The following NUDT7 variants were observed in gnomAD, a reference collection of about 807,000 sequenced individuals.
NUDT7 encodes peroxisomal coenzyme A diphosphatase NUDT7.
NUDT7 carries 19 observed loss-of-function variants against 13.1 expected under a neutral mutation model. The observed-to-expected ratio is 1.45, with a 90% CI of 1.01 to 2.13. The LOEUF is 2.13. NUDT7 is among the 30% of genes most tolerant of loss of function. The probability of loss-of-function intolerance (pLI) is 0.00; values close to 1 mark genes in which losing one functional copy is unlikely to be tolerated. For synonymous variants in NUDT7, 132 were observed against 109.7 expected (o/e 1.20, Z -1.27); for missense variants, 360 against 291.7 (o/e 1.23, Z -1.71).
Position 77,742,190 on chromosome 16 carries a change from T to TTTTC in NUDT7, c.*243_*246dup, listed in dbSNP as rs554934145. 9.4e-7 allele frequency: 1 copy of TTTTC among 1,060,044 alleles called. No homozygotes were observed. The highest frequency in any genetic ancestry group is 1.6e-5 in the African/African-American group (1 of 62,438). The allele number at this position is 1,060,044 out of a possible 1,614,324, so 65.7% of individuals were successfully genotyped here. A position where few individuals can be genotyped will look rare whatever the true frequency, so the allele number is the denominator to read the frequency against. ...TTCACCCACAATATGTTAATAATAT[T>TTTTC]TTTCTTACACATATAATAAAGAATA... On this transcript the variant is annotated 3_prime_UTR_variant, in exon 4 of 4. Coordinates refer to ENST00000268533, the MANE Select transcript of NUDT7 (RefSeq NM_001105663.3).
chr16:77,728,139 A>G (rs1597112164), intron 2 of NUDT7, among the ~76,000 whole-genome samples: 1 of 152,230 alleles, frequency 6.6e-6, no homozygotes, highest in African/African-American at 2.4e-5. Flanking sequence ...GGGCGCTGGT[A>G]GGAGATTTCC....
intron 3 of NUDT7, chr16:77,737,436 C>T (rs571419298): frequency 6.6e-6 from 1 of 152,178 alleles, no homozygotes; most frequent in East Asian, 1.9e-4. Flanking sequence ...GAAGTGCTCT[C>T]ATCACACAGT....
At chr16:77,733,195 T>C (rs541331199) in intron 2 of NUDT7, among the ~76,000 whole-genome samples, 1 of 152,346 alleles carries the variant, frequency 6.6e-6, no homozygotes, top group East Asian at 1.9e-4. Context: ...GGCATTGTCA[T>C]AGTCCTCTCA....
chr16:77,740,984 T>G (rs1227171825), intron 3 of NUDT7, among the ~76,000 whole-genome samples: 1 of 152,252 alleles, frequency 6.6e-6, no homozygotes. Flanking sequence ...GTGTATGTAC[T>G]ATGAAATTTT....
At chr16:77,732,821 A>T (rs1420936698) in intron 2 of NUDT7, among the ~76,000 whole-genome samples, 2 of 149,852 alleles carry the variant, frequency 1.3e-5, no homozygotes, top group Non-Finnish European at 3.0e-5. Context: ...GCATCATATC[A>T]GGTCTGTTTC....
chr16:77,727,576 C>T lies in NUDT7; in HGVS notation c.189+1992C>T, dbSNP rs564364196. ...ATTTTTTAAAATTATCAGATATGGC[C>T]GTGTGCGGTGGCTCACGCCTGTAAT... On this transcript the variant is annotated intron_variant, in intron 2 of 3. Coordinates refer to ENST00000268533, the MANE Select transcript of NUDT7 (RefSeq NM_001105663.3). Among the ~76,000 whole-genome samples the T allele has an allele frequency of 3.9e-5, 6 of 152,312 alleles. No individual in the cohort carries two copies. The East Asian group carries it at 9.7e-4, about 25-fold the overall frequency.
intron 2 of NUDT7, among the ~76,000 whole-genome samples, chr16:77,728,446 A>G (rs1042722572): frequency 6.6e-6 from 1 of 152,170 alleles, no homozygotes; most frequent in African/African-American, 2.4e-5. Flanking sequence ...TTGGTTGGCC[A>G]GGCTGATCTT....
intron 2 of NUDT7, among the ~76,000 whole-genome samples, chr16:77,734,215 G>A (rs1303308137): frequency 1.3e-5 from 2 of 152,140 alleles, no homozygotes; most frequent in East Asian, 3.9e-4. Context: ...TAAAAACACA[G>A]GCTCGTAAAT....
At chr16:77,723,592 CTT>C (rs148451618) in intron 1 of NUDT7, among the ~76,000 whole-genome samples, 2,384 of 125,604 alleles carry the variant, frequency 0.019, 36 homozygotes, top group African/African-American at 0.042. Context: ...TTTGTATACA[CTT>C]TTTTTTTTTT....
chr16:77,737,635 A>T (rs2014531389), intron 3 of NUDT7, among the ~76,000 whole-genome samples: 1 of 151,916 alleles, frequency 6.6e-6, no homozygotes, highest in Non-Finnish European at 1.5e-5. Context: ...ACAGGCGCCC[A>T]TCACCGCGCC....
chr16:77,740,425 C>T (rs1298626609), intron 3 of NUDT7, among the ~76,000 whole-genome samples: 1 of 152,200 alleles, frequency 6.6e-6, no homozygotes, highest in East Asian at 1.9e-4. Context: ...CAAAGGCAGG[C>T]AGCTCTTACC....
chr16:77,738,576 G>A (rs2014562051), intron 3 of NUDT7, among the ~76,000 whole-genome samples: 2 of 152,130 alleles, frequency 1.3e-5, no homozygotes, highest in African/African-American at 4.8e-5. Context: ...GTAATGTCTG[G>A]AGATCATAGC....
chr16:77,726,887 A>G (rs1373191602), intron 2 of NUDT7, among the ~76,000 whole-genome samples: 2 of 152,196 alleles, frequency 1.3e-5, no homozygotes, highest in Non-Finnish European at 2.9e-5. Context: ...TGCAGGCTGT[A>G]CAGGAAGCAT....
At chr16:77,726,247 G>A (rs1289489583) in intron 2 of NUDT7, among the ~76,000 whole-genome samples, 1 of 152,194 alleles carries the variant, frequency 6.6e-6, no homozygotes, top group Non-Finnish European at 1.5e-5. Context: ...CTTGTAAAAT[G>A]AGGACAAAAT....
chr16:77,733,782 G>C (rs1410255755), intron 2 of NUDT7, among the ~76,000 whole-genome samples: 1 of 152,198 alleles, frequency 6.6e-6, no homozygotes, highest in Non-Finnish European at 1.5e-5. Flanking sequence ...GAAAGAGGCA[G>C]ACCCAGGACT....
intron 2 of NUDT7, among the ~76,000 whole-genome samples, chr16:77,726,551 C>T (rs959333506): frequency 6.6e-6 from 1 of 152,116 alleles, no homozygotes; most frequent in Non-Finnish European, 1.5e-5. Flanking sequence ...AATCCCAGCA[C>T]TTTGAGAGGC....
At chr16:77,741,178 G>A (rs1219524489) in intron 3 of NUDT7, among the ~76,000 whole-genome samples, 2 of 152,108 alleles carry the variant, frequency 1.3e-5, no homozygotes, top group Non-Finnish European at 2.9e-5. Context: ...ATAAAGTGAA[G>A]AGTGATAACT....
intron 2 of NUDT7, among the ~76,000 whole-genome samples, chr16:77,731,188 C>G (rs1036316728): frequency 6.6e-6 from 1 of 152,126 alleles, no homozygotes; most frequent in African/African-American, 2.4e-5. Flanking sequence ...GAGCAATGTT[C>G]TCACTAATCC....
chr16:77,732,861 G>A (rs8057493), intron 2 of NUDT7, among the ~76,000 whole-genome samples: 14,643 of 152,168 alleles, frequency 0.096, 806 homozygotes, highest in African/African-American at 0.15. Flanking sequence ...TTGGAGGTGC[G>A]TTTGTCCCTG....
Sources: gnomAD v4.1 joint callset for allele counts (sites outside exome capture counted in the v4.1 genomes callset) on GRCh38, gnomAD v4.1.1 for gene constraint, MANE v1.5 for transcripts, NCBI Gene and HGNC (gene_info 2026-07-23, HGNC 2026-07-21) for gene names.